SUPT3H: variants seen among roughly 807,000 people sequenced by gnomAD.
The protein encoded by SUPT3H is transcription initiation protein SPT3 homolog.
Under a neutral mutation model 44.3 loss-of-function variants are expected in SUPT3H, and 44 were observed. The ratio of observed to expected loss-of-function variants is 0.99; its 90% CI spans 0.78 to 1.28. The LOEUF (loss-of-function observed/expected upper bound fraction) is 1.28, where lower values mean the gene tolerates loss of function less well. SUPT3H is among the 50% of genes most tolerant of loss of function. The pLI, the probability that SUPT3H is intolerant of heterozygous loss-of-function variation, is 0.00. For missense variants in SUPT3H, 380 were observed against 387.1 expected, an observed-to-expected ratio of 0.98 and a Z score of 0.15; for synonymous variants, 124 against 125.6, an observed-to-expected ratio of 0.99 and a Z score of 0.09.
chr6:45,291,777 C>T (rs1252912351), intron 2 of SUPT3H, among the ~76,000 whole-genome samples: 2 of 152,156 alleles, frequency 1.3e-5, no homozygotes, highest in Non-Finnish European at 2.9e-5. Context: ...AGGCTCCAAA[C>T]AGTCTGGGCT....
intron 2 of SUPT3H, among the ~76,000 whole-genome samples, chr6:45,107,724 T>C (rs1449819244): frequency 6.6e-6 from 1 of 152,110 alleles, no homozygotes; most frequent in African/African-American, 2.4e-5. Context: ...ATGGATGACA[T>C]ATCAAGGACC....
chr6:44,952,559 G>A lies in SUPT3H; in HGVS notation c.801+751C>T, dbSNP rs548209706. ...ACTTCACAACTCTACATGTAGATGCGAACTTAACCTTCTTGCTGTCTTATC... is the reference window on the plus strand; with the variant it reads ...ACTTCACAACTCTACATGTAGATGCAAACTTAACCTTCTTGCTGTCTTATC... On this transcript the variant is annotated intron_variant, in intron 9 of 10. Coordinates refer to ENST00000371459, the MANE Select transcript of SUPT3H (RefSeq NM_003599.4). 2.0e-5 allele frequency among the ~76,000 whole-genome samples: 3 copies of A among 152,270 alleles called. 1 individual carries two copies. In the South Asian group the frequency reaches 6.2e-4, roughly 32 times the overall value.
chr6:45,349,660 C>A (rs1356187158), intron 2 of SUPT3H, among the ~76,000 whole-genome samples: 2 of 152,132 alleles, frequency 1.3e-5, no homozygotes, highest in Non-Finnish European at 2.9e-5. Flanking sequence ...TAGGTTGTTT[C>A]ACTGGTTTTC....
At chr6:44,940,969 T>C (rs1772316497) in intron 9 of SUPT3H, among the ~76,000 whole-genome samples, 1 of 152,142 alleles carries the variant, frequency 6.6e-6, no homozygotes, top group Non-Finnish European at 1.5e-5. Flanking sequence ...AGTGAGTTTC[T>C]TGTAAGCAAC....
intron 3 of SUPT3H, among the ~76,000 whole-genome samples, chr6:45,055,578 A>G (rs1432477702): frequency 2.0e-5 from 3 of 152,148 alleles, no homozygotes; most frequent in South Asian, 4.1e-4. Flanking sequence ...GGGAAAGGAC[A>G]CCCTATTCAA....
At chr6:45,308,491 A>C (rs1417642767) in intron 2 of SUPT3H, among the ~76,000 whole-genome samples, 1 of 152,218 alleles carries the variant, frequency 6.6e-6, no homozygotes, top group Non-Finnish European at 1.5e-5. Context: ...TATCCAGCCA[A>C]ACTAAGCTTC....
At position 44,855,668 on chromosome 6, in the gene SUPT3H, T is replaced by C. The variant is rs1222124517; in HGVS notation, c.913-25811A>G. Among the ~76,000 whole-genome samples, 8 of 152,168 alleles carry C rather than the reference T, an allele frequency of 5.3e-5. No homozygotes were observed. The South Asian group carries it at 1.3e-3, about 24-fold the overall frequency. On this transcript the variant is annotated intron_variant, in intron 10 of 10. Transcript: ENST00000371459. ...AGACAACAGATACATCCATACATCT[T>C]ACACAAAACCATTATATATGCGCTC...
chr6:45,096,677 T>C lies in SUPT3H; in HGVS notation c.186+9245A>G, dbSNP rs542960213. On this transcript the variant is annotated intron_variant, in intron 3 of 10. Transcript: ENST00000371459. Reference sequence around the variant, plus strand: ...GTTTATTGCCAGTCTTATGGTAGTATTCCCCAAATGAAACAATATGTACCT... The same window carrying C: ...GTTTATTGCCAGTCTTATGGTAGTACTCCCCAAATGAAACAATATGTACCT... Among the ~76,000 whole-genome samples, 111 of 152,306 alleles carry C rather than the reference T, an allele frequency of 7.3e-4. 1 individual carries two copies. Among genetic ancestry groups the C allele is most frequent in the South Asian group, 4.1e-4 (2 of 4,830 alleles).
chr6:45,143,652 A>C (rs1303221397), intron 2 of SUPT3H, among the ~76,000 whole-genome samples: 1 of 152,164 alleles, frequency 6.6e-6, no homozygotes, highest in African/African-American at 2.4e-5. Flanking sequence ...CTGGAGAAAC[A>C]AGAACAAACC....
intron 10 of SUPT3H, among the ~76,000 whole-genome samples, chr6:44,860,313 C>A (rs1774439943): frequency 6.6e-6 from 1 of 152,128 alleles, no homozygotes; most frequent in Non-Finnish European, 1.5e-5. Flanking sequence ...CTTCATGTAC[C>A]CAGCTATCCT....
intron 2 of SUPT3H, among the ~76,000 whole-genome samples, chr6:45,234,564 AATAC>A (rs151142680): frequency 0.015 from 2,206 of 151,842 alleles, 52 homozygotes; most frequent in African/African-American, 0.048. Context: ...AAAAAAAAGA[AATAC>A]ATATATATAT....
intron 6 of SUPT3H, among the ~76,000 whole-genome samples, chr6:44,968,894 G>T (rs555944819): frequency 2.6e-5 from 4 of 152,136 alleles, no homozygotes; most frequent in Admixed American, 2.6e-4. Flanking sequence ...AGCACACATT[G>T]TTCTCACTAA....
chr6:44,865,370 C>T (rs866420075), intron 10 of SUPT3H, among the ~76,000 whole-genome samples: 14 of 152,288 alleles, frequency 9.2e-5, no homozygotes, highest in Middle Eastern at 3.4e-3. Context: ...TTTCAGGTAT[C>T]TTTTCAGCAG....
At chr6:45,282,398 G>A (rs1041637653) in intron 2 of SUPT3H, among the ~76,000 whole-genome samples, 10 of 152,326 alleles carry the variant, frequency 6.6e-5, no homozygotes, top group African/African-American at 2.4e-4. Flanking sequence ...TAAAGGACCT[G>A]ATGGAGCTGA....
intron 5 of SUPT3H, among the ~76,000 whole-genome samples, chr6:45,008,474 C>A (rs1002507232): frequency 1.3e-5 from 2 of 152,132 alleles, no homozygotes; most frequent in African/African-American, 2.4e-5. Flanking sequence ...CCCACCTCAG[C>A]CTCCTGAGTA....
At chr6:45,204,013 C>T (rs575512932) in intron 2 of SUPT3H, among the ~76,000 whole-genome samples, 10 of 152,088 alleles carry the variant, frequency 6.6e-5, no homozygotes, top group Admixed American at 4.6e-4. Flanking sequence ...TTTGGGAGGC[C>T]GAAGCTGGAG....
chr6:44,975,314 C>T (rs1469355817), intron 6 of SUPT3H, among the ~76,000 whole-genome samples: 2 of 152,058 alleles, frequency 1.3e-5, no homozygotes, highest in Non-Finnish European at 2.9e-5. Flanking sequence ...TTCTAACTAA[C>T]GAACTAAGTT....
intron 9 of SUPT3H, among the ~76,000 whole-genome samples, chr6:44,935,500 AATAC>A (rs1434640242): frequency 1.3e-5 from 2 of 152,174 alleles, no homozygotes. Flanking sequence ...TATTTGACAA[AATAC>A]TGAGTCCTGT....
At chr6:44,998,270 T>C (rs1260488956) in intron 6 of SUPT3H, among the ~76,000 whole-genome samples, 1 of 151,842 alleles carries the variant, frequency 6.6e-6, no homozygotes, top group South Asian at 2.1e-4. Context: ...AGCATACAAC[T>C]GTTTAAAAAA....
Sources: allele counts gnomAD v4.1 joint callset (sites outside exome capture counted in the v4.1 genomes callset), GRCh38; gene constraint gnomAD v4.1.1; transcripts MANE v1.5; gene names NCBI Gene and HGNC (gene_info 2026-07-23, HGNC 2026-07-21).